SMARCC1: variants seen among roughly 807,000 people sequenced by gnomAD.
The protein encoded by SMARCC1 is SWI/SNF complex subunit SMARCC1.
In SMARCC1, 43 loss-of-function variants were observed where a neutral mutation model predicts 147.4. The observed-to-expected ratio is 0.29, with a 90% CI of 0.23 to 0.38. The LOEUF is 0.38. Among genes scored for constraint, SMARCC1 ranks in the 10% least tolerant of loss-of-function variants. SMARCC1 has a pLI of 1.00. For synonymous variants in SMARCC1, 495 were observed against 484.4 expected (o/e 1.02, Z -0.29); for missense variants, 1,119 against 1,381.1 (o/e 0.81, Z 3.01).
At chr3:47,695,109 G>C (rs888204541) in intron 11 of SMARCC1, among the ~76,000 whole-genome samples, 1 of 152,214 alleles carries the variant, frequency 6.6e-6, no homozygotes, top group Non-Finnish European at 1.5e-5. Context: ...TAGTGTCCTG[G>C]TATTTAGAAG....
chr3:47,653,980 C>G (rs1576400091), intron 21 of SMARCC1, among the ~76,000 whole-genome samples: 3 of 152,310 alleles, frequency 2.0e-5, no homozygotes, highest in Admixed American at 2.0e-4. Context: ...TCAGGAGAAT[C>G]CAGCCCCAAA....
At chr3:47,588,608 T>G (rs1046859378) in intron 27 of SMARCC1, among the ~76,000 whole-genome samples, 39 of 152,190 alleles carry the variant, frequency 2.6e-4, no homozygotes, top group African/African-American at 8.7e-4. Context: ...AGAAGTTAAT[T>G]TTGATTGCAT....
chr3:47,706,566 C>A, intron 9 of SMARCC1, 36 bp from the exon 10 acceptor site: 1 of 1,502,420 alleles, frequency 6.7e-7, no homozygotes, highest in South Asian at 1.3e-5. Context: ...TATCAGCTAT[C>A]TTTGCTCCTC....
At chr3:47,650,299 AT>A (rs1401964089) in intron 21 of SMARCC1, among the ~76,000 whole-genome samples, 25 of 100,694 alleles carry the variant, frequency 2.5e-4, no homozygotes, top group African/African-American at 6.7e-4. Flanking sequence ...AATAATAATA[AT>A]TATTATTATT....
Position 47,590,712 on chromosome 3 carries a change from G to C in SMARCC1, c.3169C>G (p.Pro1057Ala). The C allele has an allele frequency of 6.3e-7, 1 of 1,574,968 alleles. No individual in the cohort carries two copies. The change falls in exon 27 of 28, where the codon CCA becomes GCA. Residue 1057 changes from proline (P) to alanine (A), a missense_variant. By Grantham distance (27) the Pro-to-Ala change is conservative. Around this residue, in one of 6 missense-constraint regions of SMARCC1, gnomAD observed 186 missense variants for 216.5 expected, o/e 0.86. Transcript: ENST00000254480. ...GPTPPGMPPM[P>A]GNILGPRVPL... ...ACCCGGGGTCCTAAGATGTTTCCTG[G>C]CATTGGTGGCATGCCAGGAGGGGTA... is the stretch of plus-strand genomic sequence containing the variant.
intron 6 of SMARCC1, among the ~76,000 whole-genome samples, chr3:47,726,116 T>C (rs1218508479): frequency 6.8e-6 from 1 of 146,594 alleles, no homozygotes; most frequent in Non-Finnish European, 1.5e-5. Context: ...ATATCTCAAT[T>C]AGCCTGTTAT....
chr3:47,694,242 A>G (rs568584498), intron 11 of SMARCC1, among the ~76,000 whole-genome samples: 1 of 152,218 alleles, frequency 6.6e-6, no homozygotes, highest in Non-Finnish European at 1.5e-5. Flanking sequence ...GGGTGCATGC[A>G]ATTATTTAAG....
chr3:47,623,488 T>A (rs1249197229), intron 24 of SMARCC1, among the ~76,000 whole-genome samples: 1 of 152,142 alleles, frequency 6.6e-6, no homozygotes, highest in Non-Finnish European at 1.5e-5. Flanking sequence ...AAACTGTAGT[T>A]TTACAAATAT....
At chr3:47,735,410 T>A (rs1323466715) in intron 5 of SMARCC1, among the ~76,000 whole-genome samples, 1 of 151,984 alleles carries the variant, frequency 6.6e-6, no homozygotes, top group Non-Finnish European at 1.5e-5. Flanking sequence ...ATCCTAATAC[T>A]TTGGGAGGGC....
chr3:47,636,784 ATATATGTGTG>A (rs1217305276), intron 22 of SMARCC1, among the ~76,000 whole-genome samples: 35 of 67,692 alleles, frequency 5.2e-4, no homozygotes, highest in East Asian at 2.7e-3. Context: ...AACAAAATAT[ATATATGTGTG>A]TGTGTGTGTG....
In SMARCC1 at chr3:47,664,071, G is replaced by T. The variant is rs958347629; in HGVS notation, c.1900-1479C>A. On this transcript the variant is annotated intron_variant, in intron 19 of 27. Coordinates refer to ENST00000254480, the MANE Select transcript of SMARCC1 (RefSeq NM_003074.4). ...GTTGGGGGAGGAAGTGACCCTTTGCGTAACTGTAACTGAAAGTTTTTTCAA... is the reference window on the plus strand; with the variant it reads ...GTTGGGGGAGGAAGTGACCCTTTGCTTAACTGTAACTGAAAGTTTTTTCAA... The T allele has an allele frequency of 2.2e-5, 10 of 453,800 alleles. No individual in the cohort carries two copies. In the Admixed American group the frequency reaches 3.2e-4, roughly 15 times the overall value. 28.1% of individuals were successfully genotyped at this position (453,800 alleles called of 1,614,324 possible).
At chr3:47,650,558 G>A (rs370573321) in intron 21 of SMARCC1, among the ~76,000 whole-genome samples, 1 of 152,146 alleles carries the variant, frequency 6.6e-6, no homozygotes, top group African/African-American at 2.4e-5. Flanking sequence ...GCTCATGACT[G>A]TAATCCCAGC....
intron 19 of SMARCC1, among the ~76,000 whole-genome samples, chr3:47,665,524 TCATCA>T (rs1222799615): frequency 6.6e-6 from 1 of 152,122 alleles, no homozygotes; most frequent in East Asian, 1.9e-4. Flanking sequence ...ATAAGAAAGT[TCATCA>T]AGTTTTTTTC....
intron 21 of SMARCC1, among the ~76,000 whole-genome samples, chr3:47,653,057 C>T (rs1439736723): frequency 3.3e-5 from 5 of 151,280 alleles, no homozygotes; most frequent in Non-Finnish European, 7.4e-5. Flanking sequence ...CCCGGGTTCA[C>T]GCCATTCTCC....
chr3:47,766,893 G>T (rs1422795405), intron 2 of SMARCC1, among the ~76,000 whole-genome samples: 1 of 152,016 alleles, frequency 6.6e-6, no homozygotes, highest in Admixed American at 6.6e-5. Context: ...ACTATATAAA[G>T]TTCCACTCTA....
At chr3:47,603,527 C>T (rs564913708) in intron 26 of SMARCC1, 1 of 157,054 alleles carries the variant, frequency 6.4e-6, no homozygotes, top group African/African-American at 2.4e-5. Flanking sequence ...GGCCATTCTC[C>T]TCTGTGGTTC....
At chr3:47,713,385 C>T (rs2034115736) in intron 8 of SMARCC1, among the ~76,000 whole-genome samples, 1 of 151,680 alleles carries the variant, frequency 6.6e-6, no homozygotes, top group South Asian at 2.1e-4. Context: ...AGAAGGGTAC[C>T]AAGTAGTGCT....
At chr3:47,607,755 C>CA (rs1312500590) in intron 26 of SMARCC1, among the ~76,000 whole-genome samples, 3 of 152,032 alleles carry the variant, frequency 2.0e-5, no homozygotes, top group Non-Finnish European at 2.9e-5. Context: ...ATTTTAGCAT[C>CA]AAAAAAAGCC....
chr3:47,745,054 G>A (rs1046674378), intron 3 of SMARCC1, among the ~76,000 whole-genome samples: 7 of 152,148 alleles, frequency 4.6e-5, no homozygotes, highest in African/African-American at 1.4e-4. Context: ...GATCGCCTGA[G>A]GTCAGGAGTT....
Sources: gnomAD v4.1 joint callset for allele counts (sites outside exome capture counted in the v4.1 genomes callset) on GRCh38, gnomAD v4.1.1 for gene constraint, gnomAD v4.1.1 regional missense constraint, MANE v1.5 for transcripts, NCBI Gene and HGNC (gene_info 2026-07-23, HGNC 2026-07-21) for gene names.